The following MED27 variants were observed in gnomAD, a reference collection of about 807,000 sequenced individuals.
The protein encoded by MED27 is mediator of RNA polymerase II transcription subunit 27.
Under a neutral mutation model 38.2 loss-of-function variants are expected in MED27, and 30 were observed. That is an observed-to-expected ratio of 0.79 (90% confidence interval 0.59 to 1.07). The LOEUF is 1.07. MED27 is among the 50% of genes least tolerant of loss of function. The pLI is 0.00. For synonymous variants in MED27, 122 were observed against 153.5 expected (o/e 0.79, Z 1.52); for missense variants, 289 against 397.5 (o/e 0.73, Z 2.32).
rs1445952793 is a variant in MED27 at position 131,872,278 on chromosome 9, G to C, written c.724-9138C>G. 1.3e-5 allele frequency among the ~76,000 whole-genome samples: 2 copies of C among 151,960 alleles called. No individual in the cohort carries two copies. The highest frequency in any genetic ancestry group is 4.8e-5 in the African/African-American group (2 of 41,372). On this transcript the variant is annotated intron_variant, in intron 6 of 7. Coordinates refer to ENST00000292035, the MANE Select transcript of MED27 (RefSeq NM_004269.4). The surrounding 1 kb of genome is among the most constrained non-coding windows in gnomAD (Gnocchi z 5.6). ...AGCAGCGCCTGGGGGAGCTGAGCTTGAACAGAGACGCTCTTCCTAACGCAC... is the reference window on the plus strand; with the variant it reads ...AGCAGCGCCTGGGGGAGCTGAGCTTCAACAGAGACGCTCTTCCTAACGCAC...
chr9:132,034,056 C>A (rs1833021111), intron 2 of MED27, among the ~76,000 whole-genome samples: 1 of 152,142 alleles, frequency 6.6e-6, no homozygotes, highest in Non-Finnish European at 1.5e-5. Context: ...CAACACAGCA[C>A]CAATACAGCC....
intron 5 of MED27, among the ~76,000 whole-genome samples, chr9:131,891,941 G>A (rs1190817127): frequency 6.6e-6 from 1 of 152,120 alleles, no homozygotes; most frequent in Non-Finnish European, 1.5e-5. Flanking sequence ...GCGGGATGAA[G>A]GGAAGAAAGC....
At chr9:131,897,389 C>T (rs1268766011) in intron 4 of MED27, among the ~76,000 whole-genome samples, 1 of 152,204 alleles carries the variant, frequency 6.6e-6, no homozygotes, top group Non-Finnish European at 1.5e-5. Context: ...GGTATGAACA[C>T]ACCTATTTCA....
At chr9:131,952,599 G>GC (rs199637972) in intron 3 of MED27, among the ~76,000 whole-genome samples, 1,763 of 152,314 alleles carry the variant, frequency 0.012, 36 homozygotes, top group African/African-American at 0.04. Flanking sequence ...GGGCTCCTTT[G>GC]CCCTCTGGCT....
intron 3 of MED27, among the ~76,000 whole-genome samples, chr9:132,011,705 T>C (rs1220144060): frequency 2.0e-5 from 3 of 152,180 alleles, no homozygotes; most frequent in South Asian, 2.1e-4. Flanking sequence ...AGGCAATTGA[T>C]GTCTTTTAGA....
At chr9:131,955,507 G>A (rs764336068) in intron 3 of MED27, among the ~76,000 whole-genome samples, 6 of 152,234 alleles carry the variant, frequency 3.9e-5, no homozygotes, top group Admixed American at 6.5e-5. Flanking sequence ...CTGAGAAGTC[G>A]CTAGTTAGAC....
At chr9:131,904,709 T>A (rs569208472) in intron 4 of MED27, among the ~76,000 whole-genome samples, 4 of 151,962 alleles carry the variant, frequency 2.6e-5, no homozygotes, top group Non-Finnish European at 5.9e-5. Flanking sequence ...TGAACTGGGG[T>A]CATTTGCTAA....
rs1839143653 is a variant in MED27 at position 131,886,508 on chromosome 9, C to CTA, written c.682-2411_682-2410dup. 1.3e-5 allele frequency among the ~76,000 whole-genome samples: 2 copies of CTA among 152,184 alleles called. 1 individual carries two copies. Among genetic ancestry groups the CTA allele is most frequent in the South Asian group, 4.1e-4 (2 of 4,828 alleles). ...ACAGATCATCCTCCTTCTACTCTGG[C>CTA]TAAACTGCTCTTCAGAAAGGTGGTG... On this transcript the variant is annotated intron_variant, in intron 5 of 7. Transcript: ENST00000292035.
chr9:131,967,302 T>G (rs553520264), intron 3 of MED27, among the ~76,000 whole-genome samples: 12 of 152,328 alleles, frequency 7.9e-5, no homozygotes, highest in Middle Eastern at 3.4e-3. Flanking sequence ...TAAATCTCTC[T>G]TAAATGTATC....
At chr9:132,014,601 AC>A in intron 2 of MED27, 134 bp from the exon 3 acceptor site, 3 of 856,542 alleles carry the variant, frequency 3.5e-6, no homozygotes, top group Non-Finnish European at 5.1e-6. Flanking sequence ...ACAACTGCTC[AC>A]ATTCTGCTTC....
chr9:132,000,400 G>A (rs1425443530), intron 3 of MED27, among the ~76,000 whole-genome samples: 1 of 152,104 alleles, frequency 6.6e-6, no homozygotes, highest in Non-Finnish European at 1.5e-5. Flanking sequence ...TACCCTGCTG[G>A]TGGGAAGGTA....
At chr9:131,936,550 G>A (rs1389073147) in intron 4 of MED27, among the ~76,000 whole-genome samples, 2 of 152,250 alleles carry the variant, frequency 1.3e-5, no homozygotes, top group Non-Finnish European at 2.9e-5. Flanking sequence ...AGGAGCAACT[G>A]CAGGCTAGGC....
intron 6 of MED27, among the ~76,000 whole-genome samples, chr9:131,863,413 C>T (rs778908934): frequency 1.3e-4 from 20 of 152,330 alleles, no homozygotes; most frequent in Middle Eastern, 3.4e-3. Flanking sequence ...GGCTGGAGCA[C>T]TGGCAGAGGG....
At chr9:131,864,743 G>A (rs1001465923) in intron 6 of MED27, among the ~76,000 whole-genome samples, 7 of 152,380 alleles carry the variant, frequency 4.6e-5, no homozygotes, top group South Asian at 2.1e-4. Context: ...TGAGGACGCC[G>A]GCTCTGCAGC....
chr9:132,012,535 G>A (rs914325703), intron 3 of MED27, among the ~76,000 whole-genome samples: 30 of 152,226 alleles, frequency 2.0e-4, no homozygotes, highest in African/African-American at 1.9e-4. Flanking sequence ...GCATAAGAAC[G>A]TCCACCAGCT....
rs541725249 is a variant in MED27, at chr9:131,872,182, T to C, written c.724-9042A>G. On this transcript the variant is annotated intron_variant, in intron 6 of 7. Transcript: ENST00000292035. This position sits in a 1 kb window ranked among gnomAD's most constrained non-coding sequence, Gnocchi z 5.6. ...AGTTCACAGGCTCCCTGAGATGATT[T>C]TGGGTGCAGGTTCAAGGGCCGCTGC... 1.3e-5 allele frequency among the ~76,000 whole-genome samples: 2 copies of C among 152,276 alleles called. No homozygotes were observed. The highest frequency in any genetic ancestry group is 2.4e-5 in the African/African-American group (1 of 41,550).
chr9:131,940,152 G>T (rs145251114), intron 3 of MED27, among the ~76,000 whole-genome samples: 3,005 of 151,404 alleles, frequency 0.02, 105 homozygotes, highest in African/African-American at 0.068. Flanking sequence ...TGATCTGCCC[G>T]CCTCGGCCTC....
Position 131,940,577 on chromosome 9 carries a change from G to A in MED27, c.480-1103C>T, listed in dbSNP as rs537664747. On this transcript the variant is annotated intron_variant, in intron 3 of 7. Coordinates refer to ENST00000292035, the MANE Select transcript of MED27 (RefSeq NM_004269.4). ...ATTACAGGCACCCACCACCACTCCC[G>A]GCTAATTTTTGTATTTTTAGTAGAG... is the stretch of plus-strand genomic sequence containing the variant. 2.0e-5 allele frequency among the ~76,000 whole-genome samples: 3 copies of A among 151,710 alleles called. No individual in the cohort carries two copies. In the South Asian group the frequency reaches 6.3e-4, roughly 32 times the overall value.
rs141479158 is a variant in MED27 at position 132,071,445 on chromosome 9, T to C, written c.348+5997A>G. ...ACATGAATAACAGGTGCCTCATAAA[T>C]GAGCACACACACGAGTAACACACAC... is the stretch of plus-strand genomic sequence containing the variant. On this transcript the variant is annotated intron_variant, in intron 2 of 7. Transcript: ENST00000292035. Among the ~76,000 whole-genome samples the C allele has an allele frequency of 3.4e-3, 502 of 147,778 alleles. 3 individuals are homozygous for C. Among genetic ancestry groups the C allele is most frequent in the African/African-American group, 0.012 (472 of 39,710 alleles).
Sources: gnomAD v4.1 joint callset for allele counts (sites outside exome capture counted in the v4.1 genomes callset) on GRCh38, gnomAD v4.1.1 for gene constraint, Gnocchi (gnomAD v3.1) non-coding constraint, MANE v1.5 for transcripts, NCBI Gene and HGNC (gene_info 2026-07-23, HGNC 2026-07-21) for gene names.